RIMKLB: variants seen among roughly 807,000 people sequenced by gnomAD.
RIMKLB encodes ribosomal modification protein rimK like family member B, also known as beta-citrylglutamate synthase B.
Under a neutral mutation model 32.0 loss-of-function variants are expected in RIMKLB, and 7 were observed. The ratio of observed to expected loss-of-function variants is 0.22; its 90% CI spans 0.12 to 0.41. RIMKLB has a LOEUF of 0.41. Ranked by LOEUF, RIMKLB falls within the 10% of genes least tolerant of loss-of-function variation. The pLI is 1.00. For missense variants in RIMKLB, 289 were observed against 498.7 expected, an observed-to-expected ratio of 0.58 and a Z score of 4.00; for synonymous variants, 172 against 185.1, an observed-to-expected ratio of 0.93 and a Z score of 0.57.
At chr12:8,677,093 A>G (rs929669457), upstream of RIMKLB, among the ~76,000 whole-genome samples, 1 of 152,182 alleles carries the variant, frequency 6.6e-6, no homozygotes, top group Non-Finnish European at 1.5e-5. Flanking sequence ...AATCACATTC[A>G]AACTCTAGCT....
chr12:8,772,542 A>T (rs1351536233), intron 5 of RIMKLB, among the ~76,000 whole-genome samples: 1 of 152,200 alleles, frequency 6.6e-6, no homozygotes, highest in Admixed American at 6.5e-5. Context: ...GGAGGTACCT[A>T]AAAGAAGCCT....
chr12:8,709,346 GTTTTTC>G (rs1441030346), intron 1 of RIMKLB, among the ~76,000 whole-genome samples: 1 of 152,090 alleles, frequency 6.6e-6, no homozygotes, highest in Non-Finnish European at 1.5e-5. Context: ...GTTTTTTCCT[GTTTTTC>G]TTTTTTCTTT....
upstream of RIMKLB, chr12:8,697,676 G>C (rs1221853363): frequency 3.4e-6 from 1 of 295,366 alleles, no homozygotes; most frequent in Non-Finnish European, 7.3e-6. Context: ...GCGCCCTCGC[G>C]CTCCCTTTTC....
chr12:8,736,409 C>T (rs1370631665), intron 2 of RIMKLB, among the ~76,000 whole-genome samples: 2 of 152,108 alleles, frequency 1.3e-5, no homozygotes, highest in African/African-American at 4.8e-5. Flanking sequence ...TCAGTTTTCA[C>T]CCATTGTTAA....
chr12:8,732,138 G>A (rs752058499), intron 2 of RIMKLB, among the ~76,000 whole-genome samples: 1 of 152,014 alleles, frequency 6.6e-6, no homozygotes, highest in African/African-American at 2.4e-5. Flanking sequence ...GACCCTGTTG[G>A]TATTGGAGAT....
chr12:8,750,137 A>C, intron 3 of RIMKLB, 45 bp downstream of exon 3: 1 of 1,169,376 alleles, frequency 8.6e-7, no homozygotes, highest in South Asian at 1.3e-5. Flanking sequence ...TTAACCACTG[A>C]TAGTTTTAAT....
upstream of RIMKLB, among the ~76,000 whole-genome samples, chr12:8,680,986 GTCT>G (rs1339156293): frequency 7.1e-6 from 1 of 140,106 alleles, no homozygotes; most frequent in Non-Finnish European, 1.6e-5. Flanking sequence ...TTCAGGTCTG[GTCT>G]TTTTTTTTTT....
intron 5 of RIMKLB, among the ~76,000 whole-genome samples, chr12:8,764,188 G>A (rs776852626): frequency 8.5e-5 from 13 of 152,196 alleles, no homozygotes; most frequent in African/African-American, 2.4e-4. Context: ...GTTGGGCCTC[G>A]GGTCTAAGGG....
rs940186324 is a variant in RIMKLB, at chr12:8,774,004, T to C, written c.*220T>C. ...ATAGAGAGGCAGAATAGGTGGGGTA[T>C]AGAAAAATGTCAGGCTCTCATAGTT... On this transcript the variant is annotated 3_prime_UTR_variant, in exon 6 of 6. Transcript: ENST00000535829. 9 of 1,343,882 alleles carry C rather than the reference T, an allele frequency of 6.7e-6. No homozygotes were observed. Among genetic ancestry groups the C allele is most frequent in the Non-Finnish European group, 7.6e-6 (8 of 1,051,414 alleles). The allele number at this position is 1,343,882 out of a possible 1,614,324, so 83.2% of individuals were successfully genotyped here. A position where few individuals can be genotyped will look rare whatever the true frequency, so the allele number is the denominator to read the frequency against.
rs1950666262 is a variant in RIMKLB at position 8,775,291 on chromosome 12, C to G, written c.*1507C>G. The G allele has an allele frequency of 1.0e-6, 1 of 985,236 alleles. No individual in the cohort carries two copies. The highest frequency in any genetic ancestry group is 1.7e-5 in the African/African-American group (1 of 57,170). The allele number at this position is 985,236 out of a possible 1,614,324, so 61.0% of individuals were successfully genotyped here. A position where few individuals can be genotyped will look rare whatever the true frequency, so the allele number is the denominator to read the frequency against. ...AGTCTCTTATAGCCCTACTCTTAAG[C>G]CTTCAATACTGTCCACTCTTTATAT... On this transcript the variant is annotated 3_prime_UTR_variant, in exon 6 of 6. Coordinates refer to ENST00000535829, the MANE Select transcript of RIMKLB (RefSeq NM_001297776.2).
chr12:8,761,530 C>T (rs941135992), intron 5 of RIMKLB, among the ~76,000 whole-genome samples: 1 of 152,106 alleles, frequency 6.6e-6, no homozygotes, highest in Non-Finnish European at 1.5e-5. Flanking sequence ...ATTGCCCCTC[C>T]CCCTGTGCTC....
chr12:8,749,582 A>G (rs1948448723), intron 2 of RIMKLB, among the ~76,000 whole-genome samples: 1 of 152,196 alleles, frequency 6.6e-6, no homozygotes, highest in African/African-American at 2.4e-5. Flanking sequence ...AAAACTCAGC[A>G]TTATGTATCT....
At chr12:8,694,395 TC>T (rs773161310), upstream of RIMKLB, among the ~76,000 whole-genome samples, 5,473 of 134,140 alleles carry the variant, frequency 0.041, 349 homozygotes, top group Middle Eastern at 0.074. Context: ...GAATTTTTTT[TC>T]TTTTTTTTTT....
intron 5 of RIMKLB, among the ~76,000 whole-genome samples, chr12:8,767,471 A>C (rs1241995306): frequency 1.3e-5 from 2 of 152,166 alleles, no homozygotes; most frequent in Admixed American, 1.3e-4. Flanking sequence ...AGTCTGAATC[A>C]TTAGTACCTA....
chr12:8,735,848 A>AG (rs1232060732), intron 2 of RIMKLB, among the ~76,000 whole-genome samples: 1 of 151,948 alleles, frequency 6.6e-6, no homozygotes, highest in African/African-American at 2.4e-5. Context: ...CTCCTGCCTC[A>AG]GCCTCCTGAG....
chr12:8,711,055 A>G (rs1443007845), intron 1 of RIMKLB, among the ~76,000 whole-genome samples: 2 of 151,774 alleles, frequency 1.3e-5, no homozygotes, highest in Non-Finnish European at 1.5e-5. Context: ...GCAAAACCCC[A>G]TATCTACTAA....
At chr12:8,755,392 C>T (rs372353096) in intron 5 of RIMKLB, among the ~76,000 whole-genome samples, 23 of 152,128 alleles carry the variant, frequency 1.5e-4, no homozygotes, top group African/African-American at 5.6e-4. Flanking sequence ...AGAGCCACCA[C>T]ATCCAGCCTC....
intron 2 of RIMKLB, among the ~76,000 whole-genome samples, chr12:8,738,999 T>G (rs573507325): frequency 3.9e-5 from 6 of 152,218 alleles, no homozygotes; most frequent in Admixed American, 6.5e-5. Flanking sequence ...AGGTTAACAC[T>G]TAGGATTCTA....
intron 5 of RIMKLB, among the ~76,000 whole-genome samples, chr12:8,763,837 C>A (rs1365998126): frequency 1.3e-5 from 2 of 152,132 alleles, no homozygotes; most frequent in Non-Finnish European, 2.9e-5. Flanking sequence ...ATCCCTGAAC[C>A]CTTGAGGTAA....
Sources: gnomAD v4.1 joint callset for allele counts (sites outside exome capture counted in the v4.1 genomes callset) on GRCh38, gnomAD v4.1.1 for gene constraint, MANE v1.5 for transcripts, NCBI Gene and HGNC (gene_info 2026-07-23, HGNC 2026-07-21) for gene names.